Variants in TTLL5 observed in about 807,000 individuals in gnomAD.
TTLL5 encodes tubulin polyglutamylase TTLL5.
In TTLL5, 132 loss-of-function variants were observed where a neutral mutation model predicts 168.4. That is an observed-to-expected ratio of 0.78 (90% confidence interval 0.68 to 0.91). TTLL5 has a LOEUF of 0.91. Ranked by LOEUF, TTLL5 falls within the 40% of genes least tolerant of loss-of-function variation. The pLI, the probability that TTLL5 is intolerant of heterozygous loss-of-function variation, is 0.00. For synonymous variants in TTLL5, 546 were observed against 558.6 expected, an observed-to-expected ratio of 0.98 and a Z score of 0.32; for missense variants, 1,545 against 1,581.5, an observed-to-expected ratio of 0.98 and a Z score of 0.39.
intron 5 of TTLL5, among the ~76,000 whole-genome samples, chr14:75,687,554 G>A (rs912171986): frequency 3.3e-5 from 5 of 152,122 alleles, no homozygotes; most frequent in Admixed American, 6.5e-5. Flanking sequence ...GATTACAGGC[G>A]TGAGCCACCA....
chr14:75,838,219 AAC>A (rs1453495810), intron 28 of TTLL5: 1 of 152,012 alleles, frequency 6.6e-6, no homozygotes, highest in African/African-American at 2.4e-5. Context: ...TGATTTGGTA[AAC>A]ACAATCTTTC....
At chr14:75,797,343 A>G (rs1893048806) in intron 27 of TTLL5, among the ~76,000 whole-genome samples, 1 of 152,010 alleles carries the variant, frequency 6.6e-6, no homozygotes, top group Admixed American at 6.6e-5. Context: ...ATGGTTTTCT[A>G]GGTATATGAT....
At chr14:75,851,454 G>T (rs1213561559) in intron 28 of TTLL5, among the ~76,000 whole-genome samples, 1 of 152,132 alleles carries the variant, frequency 6.6e-6, no homozygotes, top group African/African-American at 2.4e-5. Flanking sequence ...TTTAGCCTTG[G>T]GGGAGGGGAG....
chr14:75,899,971 T>A (rs1042199220), intron 30 of TTLL5, among the ~76,000 whole-genome samples: 2 of 150,698 alleles, frequency 1.3e-5, no homozygotes, highest in Non-Finnish European at 2.9e-5. Context: ...CCACTAATAC[T>A]TTGTGAAATT....
At chr14:75,877,931 T>A (rs1296450921) in intron 29 of TTLL5, among the ~76,000 whole-genome samples, 1 of 152,226 alleles carries the variant, frequency 6.6e-6, no homozygotes, top group African/African-American at 2.4e-5. Context: ...TTTCTTCTTA[T>A]CAGGTTTGAT....
intron 12 of TTLL5, among the ~76,000 whole-genome samples, chr14:75,728,872 A>AC (rs1888354710): frequency 6.6e-6 from 1 of 152,094 alleles, no homozygotes; most frequent in African/African-American, 2.4e-5. Context: ...GTGTCCTAGA[A>AC]CCCAAGGGAG....
chr14:75,670,992 T>C (rs754501094), intron 3 of TTLL5, among the ~76,000 whole-genome samples: 4 of 152,222 alleles, frequency 2.6e-5, no homozygotes, highest in Non-Finnish European at 4.4e-5. Flanking sequence ...AAGGTCATGA[T>C]CCCTGTGCTT....
Position 75,690,258 on chromosome 14 carries a change from A to G in TTLL5, c.438A>G (p.Gly146=). ...TTATTCGAATGCAGCATACACATGG[A>G]TTCAAGGCTTTTCACATCCTCCCCC... ...KNIIRMQHTH[G]FKAFHILPQT... The change falls in exon 6 of 32, where the codon GGA becomes GGG. Residue 146 remains glycine (G), a synonymous_variant. Coordinates refer to ENST00000298832, the MANE Select transcript of TTLL5 (RefSeq NM_015072.5). 6.2e-7 allele frequency: 1 copy of G among 1,612,334 alleles called. No individual in the cohort carries two copies. The highest frequency in any genetic ancestry group is 1.1e-5 in the South Asian group (1 of 90,682).
chr14:75,841,149 A>G (rs941397193), intron 28 of TTLL5, among the ~76,000 whole-genome samples: 1 of 152,200 alleles, frequency 6.6e-6, no homozygotes, highest in Non-Finnish European at 1.5e-5. Context: ...ATCACCTCCC[A>G]CCAGGCCCCA....
intron 9 of TTLL5, among the ~76,000 whole-genome samples, chr14:75,716,560 G>A (rs1887475451): frequency 6.6e-6 from 1 of 152,056 alleles, no homozygotes; most frequent in Non-Finnish European, 1.5e-5. Flanking sequence ...GTAAGCATAT[G>A]TAAATAATTT....
At position 75,758,071 on chromosome 14, in the gene TTLL5, A is replaced by G. The variant is rs139508275; in HGVS notation, c.1550+5116A>G. Among the ~76,000 whole-genome samples the G allele has an allele frequency of 6.0e-4, 91 of 152,376 alleles. No individual in the cohort carries two copies. The East Asian group carries it at 0.014, about 24-fold the overall frequency. On this transcript the variant is annotated intron_variant, in intron 18 of 31. Transcript: ENST00000298832. The stretch of plus-strand genomic sequence containing the variant: ...GATTTACTTCACTATAACTACAGGT[A>G]TACTATTCTAACTGAAGATGGTATT...
intron 31 of TTLL5, among the ~76,000 whole-genome samples, chr14:75,918,695 T>A (rs2033709552): frequency 6.6e-6 from 1 of 152,244 alleles, no homozygotes; most frequent in South Asian, 2.1e-4. Flanking sequence ...TTATGATATA[T>A]CACATTCATT....
At chr14:75,757,809 G>T in intron 18 of TTLL5, 1 of 1,586,940 alleles carries the variant, frequency 6.3e-7, no homozygotes, top group Non-Finnish European at 8.5e-7. Flanking sequence ...CTCTAACCCG[G>T]TTGTCCTTTC....
rs368525923 is a variant in TTLL5 at position 75,825,728 on chromosome 14, C to A, written c.3326+5567C>A. Among the ~76,000 whole-genome samples the A allele has an allele frequency of 6.4e-4, 97 of 152,158 alleles. No homozygotes were observed. In the South Asian group the frequency reaches 0.02, roughly 31 times the overall value. On this transcript the variant is annotated intron_variant, in intron 28 of 31. Coordinates refer to ENST00000298832, the MANE Select transcript of TTLL5 (RefSeq NM_015072.5). ...TAGAAGTGATATTTCACTCCTTATG[C>A]CTCTTTCTTCTCTTTCATAAAATAA...
chr14:75,903,746 T>G (rs1464792495), intron 31 of TTLL5, among the ~76,000 whole-genome samples: 1 of 151,588 alleles, frequency 6.6e-6, no homozygotes, highest in East Asian at 1.9e-4. Context: ...AAGTTTTTAA[T>G]TAGCCAGGTG....
chr14:75,734,079 TCA>T (rs1416669825), intron 14 of TTLL5, 29 bp downstream of exon 14: 1 of 1,609,764 alleles, frequency 6.2e-7, no homozygotes. Context: ...TGAACTGGAC[TCA>T]CATAAAAATT....
intron 26 of TTLL5, among the ~76,000 whole-genome samples, chr14:75,786,987 G>A (rs148465133): frequency 6.6e-6 from 1 of 152,020 alleles, no homozygotes; most frequent in Admixed American, 6.6e-5. Flanking sequence ...ACAAAAATTA[G>A]CCAGGCATGG....
chr14:75,872,952 T>G (rs1051687924), intron 29 of TTLL5, among the ~76,000 whole-genome samples: 3 of 151,666 alleles, frequency 2.0e-5, no homozygotes, highest in African/African-American at 7.3e-5. Flanking sequence ...GCTCTTATAA[T>G]TGTGTATCAC....
intron 30 of TTLL5, chr14:75,886,736 GTATT>G (rs1391636357): frequency 6.3e-7 from 1 of 1,597,708 alleles, no homozygotes. Flanking sequence ...ACTATTTGTG[GTATT>G]TCTTCCAAGC....
Sources: gnomAD v4.1 joint callset for allele counts (sites outside exome capture counted in the v4.1 genomes callset) on GRCh38, gnomAD v4.1.1 for gene constraint, MANE v1.5 for transcripts, NCBI Gene and HGNC (gene_info 2026-07-23, HGNC 2026-07-21) for gene names.